The following NEK1 variants were observed in gnomAD, a reference collection of about 807,000 sequenced individuals.
The protein encoded by NEK1 is serine/threonine-protein kinase Nek1.
Under a neutral mutation model 182.1 loss-of-function variants are expected in NEK1, and 137 were observed. The observed-to-expected ratio is 0.75, with a 90% CI of 0.65 to 0.87. NEK1 has a LOEUF of 0.87. Among genes scored for constraint, NEK1 ranks in the 40% least tolerant of loss-of-function variants. The pLI is 0.00. For synonymous variants in NEK1, 513 were observed against 492.2 expected, an observed-to-expected ratio of 1.04 and a Z score of -0.56; for missense variants, 1,391 against 1,494.4, an observed-to-expected ratio of 0.93 and a Z score of 1.14.
chr4:169,422,098 T>G (rs576143812), intron 31 of NEK1, among the ~76,000 whole-genome samples: 1 of 152,098 alleles, frequency 6.6e-6, no homozygotes, highest in East Asian at 1.9e-4. Context: ...TCTGAAAAGC[T>G]AAGAAAGGTG....
At chr4:169,585,002 A>G (rs1259691582) in intron 10 of NEK1, among the ~76,000 whole-genome samples, 1 of 152,202 alleles carries the variant, frequency 6.6e-6, no homozygotes, top group Non-Finnish European at 1.5e-5. Flanking sequence ...CCTGAATAAC[A>G]TAATGAGACT....
intron 12 of NEK1, among the ~76,000 whole-genome samples, chr4:169,567,172 G>C (rs1763838278): frequency 6.6e-6 from 1 of 151,902 alleles, no homozygotes; most frequent in African/African-American, 2.4e-5. Context: ...AGAAATCTGG[G>C]GTTTATTTTC....
chr4:169,610,456 G>A (rs932089086), intron 2 of NEK1, among the ~76,000 whole-genome samples: 1 of 151,972 alleles, frequency 6.6e-6, no homozygotes, highest in South Asian at 2.1e-4. Flanking sequence ...TGGGATTACA[G>A]GCACGCACCA....
At chr4:169,453,892 C>T (rs1294276636) in intron 27 of NEK1, among the ~76,000 whole-genome samples, 4 of 152,054 alleles carry the variant, frequency 2.6e-5, no homozygotes, top group East Asian at 1.9e-4. Context: ...TCCTCTAGTG[C>T]GGCTGGGTTA....
chr4:169,530,325 T>C (rs532040913), intron 19 of NEK1, among the ~76,000 whole-genome samples: 3 of 152,354 alleles, frequency 2.0e-5, no homozygotes, highest in Admixed American at 1.3e-4. Context: ...TTATGCTTTT[T>C]CAACTTTACA....
At chr4:169,556,848 C>T (rs1004862976) in intron 16 of NEK1, among the ~76,000 whole-genome samples, 8 of 151,320 alleles carry the variant, frequency 5.3e-5, no homozygotes, top group Admixed American at 2.6e-4. Context: ...TAAATATGAG[C>T]CAAGGCATTA....
chr4:169,539,659 G>A (rs1338962531), intron 18 of NEK1, among the ~76,000 whole-genome samples: 2 of 152,100 alleles, frequency 1.3e-5, no homozygotes, highest in East Asian at 1.9e-4. Context: ...GCCCGTCTAC[G>A]TAAGGCTAGG....
intron 12 of NEK1, chr4:169,576,494 C>G (rs1432044570): frequency 6.5e-6 from 1 of 154,554 alleles, no homozygotes; most frequent in African/African-American, 2.4e-5. Context: ...TTCTACAGGT[C>G]TTCATTTTTC....
intron 19 of NEK1, among the ~76,000 whole-genome samples, chr4:169,521,044 G>C (rs77680261): frequency 1.4e-5 from 1 of 71,976 alleles, no homozygotes; most frequent in Non-Finnish European, 2.8e-5. Flanking sequence ...CCCAGTTCGC[G>C]CTTCCAGGCT....
Position 169,609,585 on chromosome 4 carries a change from A to C in NEK1, c.-49+2435T>G, listed in dbSNP as rs187854685. 2.3e-3 allele frequency among the ~76,000 whole-genome samples: 357 copies of C among 152,248 alleles called. 2 individuals carry two copies. Among genetic ancestry groups the C allele is most frequent in the Non-Finnish European group, 2.6e-3 (176 of 68,014 alleles). On this transcript the variant is annotated intron_variant, in intron 2 of 35. Transcript: ENST00000507142. ...TACATAAGTATATATGCTTACAGTT[A>C]CTCATATATGTGTATAAATATACAT... is the stretch of plus-strand genomic sequence containing the variant.
intron 11 of NEK1, 89 bp downstream of exon 11, chr4:169,580,753 C>T (rs1165096974): frequency 1.3e-6 from 1 of 779,284 alleles, no homozygotes; most frequent in Admixed American, 2.2e-5. Flanking sequence ...CTAGAATTAT[C>T]CCAACTTACT....
intron 2 of NEK1, among the ~76,000 whole-genome samples, chr4:169,606,397 T>C (rs1459061484): frequency 6.6e-6 from 1 of 151,688 alleles, no homozygotes; most frequent in Non-Finnish European, 1.5e-5. Flanking sequence ...CAAAAGAACA[T>C]GCAGCAACTG....
chr4:169,555,805 C>T lies in NEK1; in HGVS notation c.1477G>A (p.Gly493Ser), dbSNP rs997165654. ...VRPGFPYGAAGHHHFPDADDI... is the reference protein window; with the variant it reads ...VRPGFPYGAASHHHFPDADDI... ...TCAGCATCAGGAAAATGGTGATGAC[C>T]TGCAGCCCCATAAGGAAATCCTGGA... is the stretch of plus-strand genomic sequence containing the variant. Residue 493 changes from glycine to serine, a missense_variant, in exon 18 of 36, where the codon GGT (glycine) becomes AGT (serine). Transcript: ENST00000507142. 6.2e-7 allele frequency: 1 copy of T among 1,613,874 alleles called. No homozygotes were observed. The highest frequency in any genetic ancestry group is 8.5e-7 in the Non-Finnish European group (1 of 1,179,810).
At position 169,507,105 on chromosome 4, in the gene NEK1, G is replaced by C. The variant is rs1424038778; in HGVS notation, c.1939C>G (p.Leu647Val). The C allele has an allele frequency of 6.2e-7, 1 of 1,600,964 alleles. No individual in the cohort carries two copies. Among genetic ancestry groups the C allele is most frequent in the Non-Finnish European group, 8.5e-7 (1 of 1,174,310 alleles). ...CTCTTTCGTTCTAGTTGTTCTTTTA[G>C]TACAGCAGCACGTGCATTTGCATGG... ...KAHANARAAV[L>V]KEQLERKRKE... Residue 647 changes from leucine (L) to valine (V), a missense_variant, in exon 23 of 36, where the codon CTA (leucine) becomes GTA (valine). Leu to Val is a conservative substitution (Grantham distance 32). Transcript: ENST00000507142.
intron 20 of NEK1, 96 bp downstream of exon 20, chr4:169,508,673 C>G (rs1241227689): frequency 1.6e-5 from 15 of 963,314 alleles, no homozygotes; most frequent in Non-Finnish European, 2.2e-5. Context: ...ACAAAATCTT[C>G]AAATAATTGT....
chr4:169,502,643 A>C (rs1040323193), intron 23 of NEK1, among the ~76,000 whole-genome samples: 1 of 152,134 alleles, frequency 6.6e-6, no homozygotes, highest in Non-Finnish European at 1.5e-5. Context: ...TGATCACCTC[A>C]ATATACACAT....
chr4:169,607,742 T>C (rs1243846083), intron 2 of NEK1, among the ~76,000 whole-genome samples: 7 of 152,074 alleles, frequency 4.6e-5, no homozygotes, highest in Admixed American at 3.9e-4. Context: ...GGATGACAGG[T>C]GTGAGCCACC....
chr4:169,423,051 T>G (rs1379693690), intron 31 of NEK1, among the ~76,000 whole-genome samples: 1 of 152,166 alleles, frequency 6.6e-6, no homozygotes, highest in Non-Finnish European at 1.5e-5. Context: ...AAGAAAATAC[T>G]CCACAAAATG....
In NEK1 at chr4:169,537,881, A is replaced by C; in HGVS notation, c.1593T>G (p.Ala531=). ...GCTGCAGGAACTCTTCTACTTGTTT[A>C]GCTCTTTCTACAGCTAGCTGCCCTT... is the stretch of plus-strand genomic sequence containing the variant. The part of the protein sequence containing the change: ...RQKGQLAVER[A]KQVEEFLQRK... Residue 531 remains alanine (A), a synonymous_variant, in exon 19 of 36, where the codon GCT becomes GCG. Transcript: ENST00000507142. 1 of 1,608,158 alleles carries C rather than the reference A, an allele frequency of 6.2e-7. No homozygotes were observed. Among genetic ancestry groups the C allele is most frequent in the Non-Finnish European group, 8.5e-7 (1 of 1,176,794 alleles).
Sources: gnomAD v4.1 joint callset for allele counts (sites outside exome capture counted in the v4.1 genomes callset) on GRCh38, gnomAD v4.1.1 for gene constraint, MANE v1.5 for transcripts, NCBI Gene and HGNC (gene_info 2026-07-23, HGNC 2026-07-21) for gene names.